DNAI3: variants seen among roughly 807,000 people sequenced by gnomAD.
DNAI3 encodes WD repeat domain 63.
In DNAI3, 83 loss-of-function variants were observed where a neutral mutation model predicts 115.5. The ratio of observed to expected loss-of-function variants is 0.72; its 90% CI spans 0.60 to 0.86. The LOEUF is 0.86. DNAI3 is among the 40% of genes least tolerant of loss of function. DNAI3 has a pLI of 0.00. For missense variants in DNAI3, 1,004 were observed against 1,075.8 expected (o/e 0.93, Z 0.93); for synonymous variants, 320 against 347.0 (o/e 0.92, Z 0.86).
chr1:85,098,699 C>T (rs764111845), intron 13 of DNAI3, 41 bp downstream of exon 13: 7 of 1,597,550 alleles, frequency 4.4e-6, no homozygotes, highest in Non-Finnish European at 4.3e-6. Flanking sequence ...TGCTGAATTA[C>T]ACATTTTCAG....
intron 4 of DNAI3, 93 bp from the exon 5 acceptor site, chr1:85,082,207 G>T: frequency 2.1e-6 from 2 of 960,872 alleles, no homozygotes; most frequent in Non-Finnish European, 3.2e-6. Flanking sequence ...TTCTATAATT[G>T]GTTGATTAGC....
chr1:85,089,061 C>G (rs1337167124), intron 7 of DNAI3, among the ~76,000 whole-genome samples: 1 of 152,156 alleles, frequency 6.6e-6, no homozygotes, highest in East Asian at 1.9e-4. Context: ...CTCACAGAGA[C>G]ATTCTGCATT....
chr1:85,075,562 T>C (rs1654426752), intron 3 of DNAI3, among the ~76,000 whole-genome samples: 1 of 152,116 alleles, frequency 6.6e-6, no homozygotes, highest in African/African-American at 2.4e-5. Flanking sequence ...TGGTGGGCCC[T>C]GACCTTGCCA....
At chr1:85,068,936 A>C (rs1391175506) in intron 1 of DNAI3, among the ~76,000 whole-genome samples, 1 of 152,224 alleles carries the variant, frequency 6.6e-6, no homozygotes, top group Non-Finnish European at 1.5e-5. Context: ...TCTGCTGTGA[A>C]AGTGGTATGT....
At chr1:85,070,070 G>C (rs1453011116) in intron 1 of DNAI3, among the ~76,000 whole-genome samples, 1 of 152,062 alleles carries the variant, frequency 6.6e-6, no homozygotes, top group Non-Finnish European at 1.5e-5. Flanking sequence ...AGACCAGCCT[G>C]GCCAATATGG....
At chr1:85,075,462 T>C (rs769490100) in intron 3 of DNAI3, among the ~76,000 whole-genome samples, 4 of 152,260 alleles carry the variant, frequency 2.6e-5, no homozygotes, top group Non-Finnish European at 5.9e-5. Flanking sequence ...GAGACAAGTG[T>C]AGGTTTTGAG....
At chr1:85,094,352 G>A in intron 9 of DNAI3, 79 bp from the exon 10 acceptor site, 2 of 1,570,442 alleles carry the variant, frequency 1.3e-6, no homozygotes, top group Non-Finnish European at 8.7e-7. Flanking sequence ...AAGAGTGGCT[G>A]TGTAGAAAAG....
At chr1:85,082,247 T>C (rs1159876396) in intron 4 of DNAI3, 53 bp from the exon 5 acceptor site, 2 of 1,406,922 alleles carry the variant, frequency 1.4e-6, no homozygotes, top group African/African-American at 2.9e-5. Context: ...GGCATCAAAA[T>C]AAACTGAATG....
intron 4 of DNAI3, 115 bp downstream of exon 4, chr1:85,081,530 G>T (rs1322740643): frequency 5.4e-6 from 5 of 926,562 alleles, no homozygotes; most frequent in Non-Finnish European, 6.1e-6. Flanking sequence ...TTGGGCAAGT[G>T]CTAGCTTGCC....
intron 10 of DNAI3, 122 bp from the exon 11 acceptor site, chr1:85,095,809 C>A: frequency 2.2e-6 from 2 of 911,994 alleles, no homozygotes; most frequent in East Asian, 2.5e-5. Context: ...AGAATAGACT[C>A]TCTACGCACC....
chr1:85,132,958 T>C lies in DNAI3; in HGVS notation c.2636T>C (p.Ile879Thr). The C allele has an allele frequency of 6.2e-7, 1 of 1,613,834 alleles. No homozygotes were observed. Among genetic ancestry groups the C allele is most frequent in the Non-Finnish European group, 8.5e-7 (1 of 1,179,908 alleles). The change falls in exon 23 of 23, where the codon ATC becomes ACC. Residue 879 changes from isoleucine (I) to threonine (T), a missense_variant. This residue lies in a region of DNAI3 where 429 missense variants were observed against 454.3 expected (regional missense o/e 0.94). Coordinates refer to ENST00000294664, the MANE Select transcript of DNAI3 (RefSeq NM_145172.5). ...EKTVLINLGLIKVTEKGSYME... is the reference protein window; with the variant it reads ...EKTVLINLGLTKVTEKGSYME... ...ACTGTTCTTATCAACCTTGGCCTAA[T>C]CAAAGTCACAGAGAAGGGGTCATAC...
chr1:85,071,749 T>A (rs1285005845), intron 1 of DNAI3, among the ~76,000 whole-genome samples, 179 bp from the exon 2 acceptor site: 1 of 152,226 alleles, frequency 6.6e-6, no homozygotes, highest in Non-Finnish European at 1.5e-5. Flanking sequence ...AGTAAGATTG[T>A]TGTTGCAATA....
chr1:85,083,703 A>G (rs1654696916), intron 5 of DNAI3, among the ~76,000 whole-genome samples: 1 of 152,036 alleles, frequency 6.6e-6, no homozygotes, highest in Admixed American at 6.5e-5. Context: ...TTTTTATTAT[A>G]TTTACTTTAA....
chr1:85,090,891 G>A (rs1013872860), intron 8 of DNAI3, among the ~76,000 whole-genome samples: 7 of 152,140 alleles, frequency 4.6e-5, no homozygotes, highest in Admixed American at 2.0e-4. Context: ...TACTCAATAG[G>A]CTGGTTTCTA....
chr1:85,085,778 C>T, intron 6 of DNAI3, 53 bp from the exon 7 acceptor site: 1 of 815,740 alleles, frequency 1.2e-6, no homozygotes. Flanking sequence ...ACCAACATTG[C>T]CTACACATCA....
In DNAI3 at chr1:85,130,036, A is replaced by G; in HGVS notation, c.2456A>G (p.Glu819Gly). Residue 819 changes from glutamate (E) to glycine (G), a missense_variant, in exon 22 of 23, where the codon GAA becomes GGA. Glu to Gly is a moderately conservative substitution (Grantham distance 98, BLOSUM62 -2). Around this residue, in one of 3 missense-constraint regions of DNAI3, gnomAD observed 429 missense variants for 454.3 expected, o/e 0.94. Transcript: ENST00000294664. The part of the protein sequence containing the change: ...HYFEREVKHL[E>G]YVEQRKKIRE... ...TTTGAAAGAGAAGTCAAGCATCTGGAATACGTAGAACAGCGCAAAAAAATT... is the reference window on the plus strand; with the variant it reads ...TTTGAAAGAGAAGTCAAGCATCTGGGATACGTAGAACAGCGCAAAAAAATT... The G allele has an allele frequency of 6.2e-7, 1 of 1,613,612 alleles. No individual in the cohort carries two copies. The highest frequency in any genetic ancestry group is 8.5e-7 in the Non-Finnish European group (1 of 1,179,756).
intron 13 of DNAI3, among the ~76,000 whole-genome samples, chr1:85,101,694 C>G (rs1178735612): frequency 1.6e-5 from 2 of 128,590 alleles, no homozygotes; most frequent in African/African-American, 6.0e-5. Context: ...CGCCACTGCA[C>G]TCCAGCCTGG....
intron 14 of DNAI3, among the ~76,000 whole-genome samples, 165 bp from the exon 15 acceptor site, chr1:85,107,868 C>T (rs574652626): frequency 5.0e-4 from 76 of 152,230 alleles, no homozygotes; most frequent in African/African-American, 1.8e-3. Context: ...GTTTAATTCT[C>T]TAAAATATAA....
At chr1:85,072,500 G>A (rs1229557767) in intron 2 of DNAI3, among the ~76,000 whole-genome samples, 3 of 151,208 alleles carry the variant, frequency 2.0e-5, no homozygotes, top group Non-Finnish European at 4.4e-5. Flanking sequence ...AAATTAGCCA[G>A]GCGTGGTGGC....
Sources: gnomAD v4.1 joint callset for allele counts (sites outside exome capture counted in the v4.1 genomes callset) on GRCh38, gnomAD v4.1.1 for gene constraint, gnomAD v4.1.1 regional missense constraint, MANE v1.5 for transcripts, NCBI Gene and HGNC (gene_info 2026-07-23, HGNC 2026-07-21) for gene names.